The following PI4KB variants were observed in gnomAD, a reference collection of about 807,000 sequenced individuals.
PI4KB encodes the protein phosphatidylinositol 4-kinase beta.
In PI4KB, 23 loss-of-function variants were observed where a neutral mutation model predicts 81.4. That is an observed-to-expected ratio of 0.28 (90% CI 0.20 to 0.40). The LOEUF is 0.40. PI4KB is among the 10% of genes least tolerant of loss of function. PI4KB has a pLI of 1.00. For synonymous variants in PI4KB, 381 were observed against 406.8 expected, an observed-to-expected ratio of 0.94 and a Z score of 0.76; for missense variants, 651 against 1,036.6, an observed-to-expected ratio of 0.63 and a Z score of 5.11.
upstream of PI4KB, chr1:151,327,460 C>T (rs951992664): frequency 7.6e-6 from 3 of 397,138 alleles, no homozygotes; most frequent in African/African-American, 6.2e-5. Context: ...TTCAGGCTGC[C>T]ACAAGTTCGA....
At position 151,292,614 on chromosome 1, in the gene PI4KB, A is replaced by C. The variant is rs972688811; in HGVS notation, c.*238T>G. Reference sequence around the variant, plus strand: ...TGAGTCCTGGAGTCAGTCTGGTGGTAATACTGACACAGACCAGGAGGGGCA... The same window carrying C: ...TGAGTCCTGGAGTCAGTCTGGTGGTCATACTGACACAGACCAGGAGGGGCA... On this transcript the variant is annotated 3_prime_UTR_variant, in exon 12 of 12. Transcript: ENST00000368873. The C allele has an allele frequency of 1.8e-6, 1 of 542,582 alleles. No individual in the cohort carries two copies. The highest frequency in any genetic ancestry group is 3.3e-6 in the Non-Finnish European group (1 of 302,660). The allele number at this position is 542,582 out of a possible 1,614,324, so 33.6% of individuals were successfully genotyped here.
chr1:151,313,936 A>C lies in PI4KB; in HGVS notation c.909+1637T>G, dbSNP rs192299725. Among the ~76,000 whole-genome samples, 170 of 152,366 alleles carry C rather than the reference A, an allele frequency of 1.1e-3. 2 individuals carry two copies. The Middle Eastern group carries it at 0.017, about 15-fold the overall frequency. On this transcript the variant is annotated intron_variant, in intron 2 of 11. Coordinates refer to ENST00000368873, the MANE Select transcript of PI4KB (RefSeq NM_001369623.2). ...TTGAGGGACCTTGGGCAAAACATCT[A>C]ATCTTTCTAAGCCTCAGTTTCCTTG...
intron 2 of PI4KB, among the ~76,000 whole-genome samples, chr1:151,312,465 T>C (rs1647271036): frequency 6.6e-6 from 1 of 152,172 alleles, no homozygotes; most frequent in Non-Finnish European, 1.5e-5. Context: ...AGAAAACAAC[T>C]TTTTCAAGAG....
intron 9 of PI4KB, among the ~76,000 whole-genome samples, 162 bp from the exon 10 acceptor site, chr1:151,294,703 T>C (rs1167717115): frequency 6.6e-6 from 1 of 152,170 alleles, no homozygotes; most frequent in Non-Finnish European, 1.5e-5. Context: ...TCCTAGGACC[T>C]AAAGCTATCA....
intron 1 of PI4KB, among the ~76,000 whole-genome samples, chr1:151,318,738 A>ATAAC: frequency 6.6e-6 from 1 of 151,908 alleles, no homozygotes; most frequent in South Asian, 2.1e-4. Flanking sequence ...AAATAAATAA[A>ATAAC]TAAAATTAAA....
chr1:151,324,593 G>C (rs2102028073), intron 1 of PI4KB, among the ~76,000 whole-genome samples: 1 of 152,270 alleles, frequency 6.6e-6, no homozygotes, highest in South Asian at 2.1e-4. Context: ...GGAGGGCAGT[G>C]GTCTCATGGT....
At chr1:151,296,399 G>A (rs80117863) in intron 9 of PI4KB, among the ~76,000 whole-genome samples, 2,583 of 152,206 alleles carry the variant, frequency 0.017, 75 homozygotes, top group African/African-American at 0.058. Context: ...GAGGAAACAC[G>A]TGTCTGACAG....
At chr1:151,313,259 T>C (rs1366783341) in intron 2 of PI4KB, among the ~76,000 whole-genome samples, 1 of 152,134 alleles carries the variant, frequency 6.6e-6, no homozygotes, top group Non-Finnish European at 1.5e-5. Flanking sequence ...CCTGGGAACA[T>C]AGTATCTCCT....
rs775167343 is a variant in PI4KB, at chr1:151,302,995, G to GTTT, written c.1520+543_1520+545dup. Among the ~76,000 whole-genome samples the GTTT allele has an allele frequency of 1.1e-3, 119 of 107,120 alleles. 1 individual carries two copies. Among genetic ancestry groups the GTTT allele is most frequent in the Non-Finnish European group, 1.4e-3 (71 of 51,836 alleles). 70.3% of individuals were successfully genotyped at this position (107,120 alleles called of 152,430 possible). ...AAACTCCTTCCTCTGGTGCTTTCTT[G>GTTT]TTTTTTTTTTTTTTTTTTTTTGAGA... is the stretch of plus-strand genomic sequence containing the variant. On this transcript the variant is annotated intron_variant, in intron 6 of 11. Coordinates refer to ENST00000368873, the MANE Select transcript of PI4KB (RefSeq NM_001369623.2).
At chr1:151,293,827 T>G in intron 11 of PI4KB, 191 bp downstream of exon 11, 1 of 598,384 alleles carries the variant, frequency 1.7e-6, no homozygotes, top group Admixed American at 3.4e-5. Context: ...CCCAGCCTTC[T>G]GGACTTAGCC....
chr1:151,296,181 A>G (rs1300310886), intron 9 of PI4KB, among the ~76,000 whole-genome samples: 1 of 152,178 alleles, frequency 6.6e-6, no homozygotes, highest in Non-Finnish European at 1.5e-5. Flanking sequence ...TGGGAGGCAG[A>G]GGTTACAGTG....
Position 151,327,378 on chromosome 1 carries a change from C to T in PI4KB, c.-136G>A, listed in dbSNP as rs906061711. ...CGGGTTCCATTGGCCGCCTGCGCTT[C>T]CCTGACAGCGGCCGCGGAGGCTGCA... On this transcript the variant is annotated 5_prime_UTR_variant, in exon 1 of 12. Transcript: ENST00000368873. The T allele has an allele frequency of 1.2e-4, 46 of 398,008 alleles. No homozygotes were observed. The highest frequency in any genetic ancestry group is 7.5e-4 in the East Asian group (21 of 27,998). The allele number at this position is 398,008 out of a possible 1,614,324, so 24.7% of individuals were successfully genotyped here. A position where few individuals can be genotyped will look rare whatever the true frequency, so the allele number is the denominator to read the frequency against.
rs372597812 is a variant in PI4KB, at chr1:151,301,923, C to T, written c.1670G>A (p.Arg557Gln). The T allele has an allele frequency of 6.8e-6, 11 of 1,613,914 alleles. No individual in the cohort carries two copies. Among genetic ancestry groups the T allele is most frequent in the Middle Eastern group, 1.7e-4 (1 of 5,954 alleles). ...GSPYGHLPNW[R>Q]LLSVIVKCGD... ...ACACTTGACAATGACTGACAGGAGCCGCCAATTGGGGAGATGGCCGTAGGG... is the reference window on the plus strand; with the variant it reads ...ACACTTGACAATGACTGACAGGAGCTGCCAATTGGGGAGATGGCCGTAGGG... Residue 557 changes from arginine (R) to glutamine (Q), a missense_variant, in exon 8 of 12, where the codon CGG becomes CAG. Arg to Gln is a conservative substitution (Grantham distance 43). This residue lies in a region of PI4KB where 246 missense variants were observed against 430.1 expected (regional missense o/e 0.57). Transcript: ENST00000368873.
At chr1:151,323,461 C>G (rs900345514) in intron 1 of PI4KB, among the ~76,000 whole-genome samples, 8 of 129,770 alleles carry the variant, frequency 6.2e-5, no homozygotes, top group South Asian at 5.1e-4. Flanking sequence ...GAGCTGAGAT[C>G]GCTGTAATCC....
upstream of PI4KB, chr1:151,327,601 A>C: frequency 5.2e-6 from 2 of 386,662 alleles, no homozygotes; most frequent in Middle Eastern, 6.5e-4. Context: ...CTTTCTTCCC[A>C]GGATACGCTT....
chr1:151,324,420 G>T (rs1459575205), intron 1 of PI4KB, among the ~76,000 whole-genome samples: 1 of 152,038 alleles, frequency 6.6e-6, no homozygotes, highest in Non-Finnish European at 1.5e-5. Flanking sequence ...GACCTCAATG[G>T]TAAAGGTAGA....
intron 9 of PI4KB, among the ~76,000 whole-genome samples, chr1:151,296,598 G>A (rs1694817321): frequency 1.3e-5 from 2 of 151,366 alleles, no homozygotes; most frequent in Non-Finnish European, 1.5e-5. Flanking sequence ...AGCCTCCCAA[G>A]TAGCTGGGAA....
intron 3 of PI4KB, among the ~76,000 whole-genome samples, chr1:151,309,444 C>G (rs1229631361): frequency 1.3e-5 from 2 of 152,056 alleles, no homozygotes; most frequent in Admixed American, 6.6e-5. Context: ...TAGCACAGAA[C>G]AGAGAAAACT....
chr1:151,300,475 G>A (rs1395674649), intron 8 of PI4KB, among the ~76,000 whole-genome samples: 2 of 152,088 alleles, frequency 1.3e-5, no homozygotes, highest in Non-Finnish European at 2.9e-5. Flanking sequence ...GCGTGGTGGC[G>A]CATGCCTATA....
Sources: gnomAD v4.1 joint callset for allele counts (sites outside exome capture counted in the v4.1 genomes callset) on GRCh38, gnomAD v4.1.1 for gene constraint, gnomAD v4.1.1 regional missense constraint, MANE v1.5 for transcripts, NCBI Gene and HGNC (gene_info 2026-07-23, HGNC 2026-07-21) for gene names.